MACROD2: variants seen among roughly 807,000 people sequenced by gnomAD.
The protein encoded by MACROD2 is mono-ADP ribosylhydrolase 2.
MACROD2 carries 36 observed loss-of-function variants against 70.4 expected under a neutral mutation model. That is an observed-to-expected ratio of 0.51 (90% confidence interval 0.39 to 0.68). The LOEUF (loss-of-function observed/expected upper bound fraction) is 0.68. Ranked by LOEUF, MACROD2 falls within the 30% of genes least tolerant of loss-of-function variation. The pLI is 0.00. For missense variants in MACROD2, 496 were observed against 538.4 expected (o/e 0.92, Z 0.78); for synonymous variants, 172 against 178.8 (o/e 0.96, Z 0.30).
intron 8 of MACROD2, among the ~76,000 whole-genome samples, chr20:15,518,344 C>T (rs965430368): frequency 2.6e-5 from 4 of 152,210 alleles, no homozygotes; most frequent in South Asian, 4.1e-4. Context: ...TTCAAAATAG[C>T]TTGTGAATGA....
intron 3 of MACROD2, among the ~76,000 whole-genome samples, chr20:14,239,297 C>G (rs1307397113): frequency 6.6e-6 from 1 of 152,138 alleles, no homozygotes; most frequent in African/African-American, 2.4e-5. Context: ...GGCTGTACTG[C>G]CCAAAGCAAT....
chr20:15,329,638 A>G (rs978424862), intron 6 of MACROD2, among the ~76,000 whole-genome samples: 1 of 152,122 alleles, frequency 6.6e-6, no homozygotes, highest in Non-Finnish European at 1.5e-5. Context: ...CAATATTTTA[A>G]AACAAAATCT....
At chr20:14,505,663 C>G (rs1424492799) in intron 4 of MACROD2, among the ~76,000 whole-genome samples, 2 of 152,174 alleles carry the variant, frequency 1.3e-5, no homozygotes, top group Non-Finnish European at 2.9e-5. Context: ...CCCAGAATTT[C>G]TGTTTTAGTA....
At chr20:14,468,498 C>A (rs868213912) in intron 3 of MACROD2, among the ~76,000 whole-genome samples, 1 of 139,074 alleles carries the variant, frequency 7.2e-6, no homozygotes, top group African/African-American at 2.7e-5. Flanking sequence ...TTATTTTGAG[C>A]CTCTGTGTGT....
At chr20:14,497,142 A>T (rs562381581) in intron 4 of MACROD2, among the ~76,000 whole-genome samples, 1 of 151,868 alleles carries the variant, frequency 6.6e-6, no homozygotes, top group Non-Finnish European at 1.5e-5. Context: ...GAAAACATAC[A>T]GTTAAGATAC....
chr20:14,809,240 G>T (rs1286847439), intron 5 of MACROD2, among the ~76,000 whole-genome samples: 1 of 152,094 alleles, frequency 6.6e-6, no homozygotes, highest in African/African-American at 2.4e-5. Flanking sequence ...CAGTTTCTCA[G>T]ACCACAGTGC....
chr20:14,887,300 T>C (rs1245191244), intron 5 of MACROD2, among the ~76,000 whole-genome samples: 1 of 152,064 alleles, frequency 6.6e-6, no homozygotes, highest in Non-Finnish European at 1.5e-5. Context: ...AGTAATATGG[T>C]GAGGAAATAA....
chr20:15,928,895 A>G (rs1458093392), intron 10 of MACROD2, among the ~76,000 whole-genome samples: 1 of 152,228 alleles, frequency 6.6e-6, no homozygotes, highest in African/African-American at 2.4e-5. Flanking sequence ...AGATGAAAAT[A>G]TAGATGGGGA....
intron 8 of MACROD2, among the ~76,000 whole-genome samples, chr20:15,732,430 T>A (rs1387372531): frequency 1.3e-5 from 2 of 152,194 alleles, no homozygotes; most frequent in Non-Finnish European, 2.9e-5. Flanking sequence ...TGCACAAGAA[T>A]CAATATTCTT....
chr20:15,838,383 G>A (rs1037211417), intron 8 of MACROD2, among the ~76,000 whole-genome samples: 10 of 152,026 alleles, frequency 6.6e-5, no homozygotes, highest in Non-Finnish European at 1.5e-4. Flanking sequence ...TTTCCATCTT[G>A]TGGAGCCCTT....
At chr20:15,903,529 T>C (rs2065097229) in intron 10 of MACROD2, among the ~76,000 whole-genome samples, 1 of 152,096 alleles carries the variant, frequency 6.6e-6, no homozygotes, top group Admixed American at 6.5e-5. Flanking sequence ...AGAGGGTGTG[T>C]CAAACCCAGA....
chr20:15,518,840 A>G lies in MACROD2; in HGVS notation c.645+18993A>G, dbSNP rs2047604826. Reference sequence around the variant, plus strand: ...ATTGTGAGACCCTGTTTCTACAAACAATAAAAAAAAGTCTTGCTTTCATTC... The same window carrying G: ...ATTGTGAGACCCTGTTTCTACAAACGATAAAAAAAAGTCTTGCTTTCATTC... On this transcript the variant is annotated intron_variant, in intron 8 of 17. Coordinates refer to ENST00000684519, the MANE Select transcript of MACROD2 (RefSeq NM_001351661.2). Among the ~76,000 whole-genome samples, 4 of 152,346 alleles carry G rather than the reference A, an allele frequency of 2.6e-5. No individual in the cohort carries two copies. The South Asian group carries it at 8.3e-4, about 32-fold the overall frequency.
chr20:14,234,265 T>C (rs2081848208), intron 3 of MACROD2, among the ~76,000 whole-genome samples: 1 of 152,158 alleles, frequency 6.6e-6, no homozygotes, highest in African/African-American at 2.4e-5. Context: ...TAAAAAAAGT[T>C]AAAAAACCAT....
chr20:14,516,635 G>A (rs980049089), intron 4 of MACROD2, among the ~76,000 whole-genome samples: 4 of 152,020 alleles, frequency 2.6e-5, no homozygotes, highest in African/African-American at 9.7e-5. Flanking sequence ...TATTTCTGAG[G>A]GCTCTGTTCT....
Position 14,115,243 on chromosome 20 carries a change from A to G in MACROD2, c.271+29515A>G, listed in dbSNP as rs76590801. Among the ~76,000 whole-genome samples, 483 of 152,230 alleles carry G rather than the reference A, an allele frequency of 3.2e-3. 2 individuals carry two copies. The highest frequency in any genetic ancestry group is 0.011 in the African/African-American group (457 of 41,538). ...CTCCTTTTTTTAAAATGTTTTTCCTATTACCATCACTGTCACTGTGATGAT... is the reference window on the plus strand; with the variant it reads ...CTCCTTTTTTTAAAATGTTTTTCCTGTTACCATCACTGTCACTGTGATGAT... On this transcript the variant is annotated intron_variant, in intron 3 of 17. Transcript: ENST00000684519.
chr20:15,436,272 T>C (rs1296132839), intron 7 of MACROD2, among the ~76,000 whole-genome samples: 1 of 152,136 alleles, frequency 6.6e-6, no homozygotes, highest in Non-Finnish European at 1.5e-5. Context: ...TCCACATGGC[T>C]GGGGAGGCCT....
At chr20:14,512,007 A>G (rs2085036440) in intron 4 of MACROD2, among the ~76,000 whole-genome samples, 1 of 152,058 alleles carries the variant, frequency 6.6e-6, no homozygotes. Context: ...TTGAAATGAG[A>G]TGGAGAGTTA....
In MACROD2 at chr20:15,206,721, G is replaced by GTTTTTTTTTTTTTTTTT. The variant is rs56752104; in HGVS notation, c.419-23209_419-23193dup. 5.5e-3 allele frequency among the ~76,000 whole-genome samples: 180 copies of GTTTTTTTTTTTTTTTTT among 33,006 alleles called. 62 individuals carry two copies. The highest frequency in any genetic ancestry group is 0.024 in the Middle Eastern group (1 of 42). The allele number at this position is 33,006 out of a possible 152,430, so 21.7% of individuals were successfully genotyped here. ...GCATGAAGTCTTTCATATTATCTAT[G>GTTTTTTTTTTTTTTTTT]TTTTTTTTTTTTTTTTTTTTTTTTT... On this transcript the variant is annotated intron_variant, in intron 5 of 17. Coordinates refer to ENST00000684519, the MANE Select transcript of MACROD2 (RefSeq NM_001351661.2).
chr20:15,272,252 A>G (rs1020262483), intron 6 of MACROD2, among the ~76,000 whole-genome samples: 1 of 152,230 alleles, frequency 6.6e-6, no homozygotes, highest in Non-Finnish European at 1.5e-5. Context: ...ATCCCAATGT[A>G]TTAGCATTTT....
Sources: gnomAD v4.1 joint callset for allele counts (sites outside exome capture counted in the v4.1 genomes callset) on GRCh38, gnomAD v4.1.1 for gene constraint, MANE v1.5 for transcripts, NCBI Gene and HGNC (gene_info 2026-07-23, HGNC 2026-07-21) for gene names.